Variants in LPAR3 observed in about 807,000 individuals in gnomAD.
LPAR3 encodes lysophosphatidic acid receptor 3.
Under a neutral mutation model 17.8 loss-of-function variants are expected in LPAR3, and 7 were observed. The ratio of observed to expected loss-of-function variants is 0.39; its 90% CI spans 0.22 to 0.74. LPAR3 has a LOEUF of 0.74. LPAR3 is among the 30% of genes least tolerant of loss of function. The pLI, the probability that LPAR3 is intolerant of heterozygous loss-of-function variation, is 0.40. For synonymous variants in LPAR3, 179 were observed against 179.9 expected, an observed-to-expected ratio of 0.99 and a Z score of 0.04; for missense variants, 391 against 453.4, an observed-to-expected ratio of 0.86 and a Z score of 1.25.
At chr1:84,825,100 A>C (rs1303708609) in intron 2 of LPAR3, among the ~76,000 whole-genome samples, 1 of 152,184 alleles carries the variant, frequency 6.6e-6, no homozygotes, top group Non-Finnish European at 1.5e-5. Flanking sequence ...ATGCCCTGTA[A>C]GGGTCCTGTC....
In LPAR3 at chr1:84,865,690, C is replaced by T. The variant is rs1660030885; in HGVS notation, c.431G>A (p.Arg144Lys). The change falls in exon 2 of 3, where the codon AGG becomes AAG. Residue 144 changes from arginine to lysine, a missense_variant. Coordinates refer to ENST00000370611, the MANE Select transcript of LPAR3 (RefSeq NM_012152.3). ...GACAAGCAAAATGAGCAGTGTCACC[C>T]TCTTTTTGGTCAGGTTGCTATGGAC... ...MRVHSNLTKK[R>K]VTLLILLVWA... 2 of 1,614,096 alleles carry T rather than the reference C, an allele frequency of 1.2e-6. No individual in the cohort carries two copies. Among genetic ancestry groups the T allele is most frequent in the African/African-American group, 2.7e-5 (2 of 74,918 alleles).
chr1:84,815,695 A>T (rs1658919214), intron 2 of LPAR3, among the ~76,000 whole-genome samples: 1 of 152,164 alleles, frequency 6.6e-6, no homozygotes, highest in African/African-American at 2.4e-5. Flanking sequence ...TTATACAATA[A>T]AGTTAATAAA....
At chr1:84,839,259 T>A (rs1402128067) in intron 2 of LPAR3, among the ~76,000 whole-genome samples, 2 of 152,228 alleles carry the variant, frequency 1.3e-5, no homozygotes, top group Non-Finnish European at 2.9e-5. Flanking sequence ...GTTAGAATTA[T>A]GTGTTTTCAT....
chr1:84,820,774 T>TG (rs1176325788), intron 2 of LPAR3, among the ~76,000 whole-genome samples: 1 of 152,148 alleles, frequency 6.6e-6, no homozygotes, highest in Non-Finnish European at 1.5e-5. Flanking sequence ...TAGAATGGTG[T>TG]GAGTTATGTA....
chr1:84,874,966 C>A lies in LPAR3; in HGVS notation c.-18-8828G>T, dbSNP rs147195731. 3.4e-4 allele frequency among the ~76,000 whole-genome samples: 50 copies of A among 148,424 alleles called. No homozygotes were observed. In the East Asian group the frequency reaches 4.2e-3, roughly 12 times the overall value. On this transcript the variant is annotated intron_variant, in intron 1 of 2. Transcript: ENST00000370611. Reference sequence around the variant, plus strand: ...CCAGGCTGGAGTGCAGTGGTACGATCTTGGCTCACTGCAACCTCCACCTTC... The same window carrying A: ...CCAGGCTGGAGTGCAGTGGTACGATATTGGCTCACTGCAACCTCCACCTTC...
intron 1 of LPAR3, among the ~76,000 whole-genome samples, chr1:84,879,453 A>G (rs1660322577): frequency 6.6e-6 from 1 of 151,652 alleles, no homozygotes; most frequent in Non-Finnish European, 1.5e-5. Context: ...CTGGGACTAC[A>G]GGTGCCCACC....
At chr1:84,866,168 A>C in intron 1 of LPAR3, 30 bp from the exon 2 acceptor site, 1 of 1,474,914 alleles carries the variant, frequency 6.8e-7, no homozygotes, top group Non-Finnish European at 9.2e-7. Flanking sequence ...AGAAACAAAT[A>C]TCATTTGTAA....
chr1:84,866,280 C>A, intron 1 of LPAR3, 142 bp from the exon 2 acceptor site: 1 of 647,436 alleles, frequency 1.5e-6, no homozygotes, highest in East Asian at 2.7e-5. Context: ...TGCAAATGTC[C>A]TTTGGTCCAG....
At chr1:84,841,426 G>A (rs1462982124) in intron 2 of LPAR3, among the ~76,000 whole-genome samples, 1 of 152,136 alleles carries the variant, frequency 6.6e-6, no homozygotes, top group Non-Finnish European at 1.5e-5. Context: ...TGGAGGAAAA[G>A]AAAAGTGAAT....
intron 1 of LPAR3, among the ~76,000 whole-genome samples, chr1:84,892,423 G>C (rs1660570336): frequency 6.6e-6 from 1 of 152,066 alleles, no homozygotes; most frequent in Admixed American, 6.5e-5. Flanking sequence ...AAGTAACTCT[G>C]CTACAGAACA....
At chr1:84,851,545 T>C (rs1183186389) in intron 2 of LPAR3, among the ~76,000 whole-genome samples, 1 of 152,254 alleles carries the variant, frequency 6.6e-6, no homozygotes, top group African/African-American at 2.4e-5. Flanking sequence ...TTTTATGAGT[T>C]AATTCTTTTA....
chr1:84,834,483 A>G (rs1397196704), intron 2 of LPAR3, among the ~76,000 whole-genome samples: 2 of 152,178 alleles, frequency 1.3e-5, no homozygotes, highest in Non-Finnish European at 2.9e-5. Flanking sequence ...TACTGTTCCT[A>G]TGGGTCCATT....
At chr1:84,874,047 C>CT (rs1660208224) in intron 1 of LPAR3, among the ~76,000 whole-genome samples, 1 of 152,106 alleles carries the variant, frequency 6.6e-6, no homozygotes, top group South Asian at 2.1e-4. Flanking sequence ...GCCATGGTGC[C>CT]CAGCCTCTTT....
chr1:84,884,673 A>G (rs753024424), intron 1 of LPAR3, among the ~76,000 whole-genome samples: 1 of 152,236 alleles, frequency 6.6e-6, no homozygotes, highest in Non-Finnish European at 1.5e-5. Context: ...TACTTTCCCC[A>G]TCAACAAAAC....
chr1:84,869,560 A>G (rs1660119535), intron 1 of LPAR3, among the ~76,000 whole-genome samples: 1 of 152,236 alleles, frequency 6.6e-6, no homozygotes, highest in Admixed American at 6.5e-5. Flanking sequence ...TACAATACAC[A>G]TAACAAAAAT....
intron 2 of LPAR3, 66 bp from the exon 3 acceptor site, chr1:84,814,237 C>T: frequency 1.4e-6 from 2 of 1,383,358 alleles, no homozygotes; most frequent in South Asian, 2.5e-5. Flanking sequence ...GTTTTCTTCT[C>T]TCCCAGCCTT....
rs116521853 is a variant in LPAR3, at chr1:84,820,102, T to A, written c.737-5931A>T. On this transcript the variant is annotated intron_variant, in intron 2 of 2. Coordinates refer to ENST00000370611, the MANE Select transcript of LPAR3 (RefSeq NM_012152.3). ...AGACTAACATACAATAAATTTGAAG[T>A]TTAGAGTAGCTCAACAGTTTGTCCT... 6.0e-3 allele frequency among the ~76,000 whole-genome samples: 921 copies of A among 152,254 alleles called. 9 individuals carry two copies. Among genetic ancestry groups the A allele is most frequent in the African/African-American group, 0.021 (888 of 41,530 alleles).
chr1:84,825,145 T>C (rs986180612), intron 2 of LPAR3, among the ~76,000 whole-genome samples: 4 of 152,202 alleles, frequency 2.6e-5, no homozygotes, highest in African/African-American at 4.8e-5. Flanking sequence ...GGTTCTCTCA[T>C]AGCTTCCTTT....
intron 2 of LPAR3, among the ~76,000 whole-genome samples, chr1:84,853,639 C>T (rs960154338): frequency 2.6e-5 from 4 of 152,164 alleles, no homozygotes; most frequent in Non-Finnish European, 5.9e-5. Context: ...GACAAATGTG[C>T]CTTCCTACAA....
Sources: allele counts gnomAD v4.1 joint callset (sites outside exome capture counted in the v4.1 genomes callset), GRCh38; gene constraint gnomAD v4.1.1; transcripts MANE v1.5; gene names NCBI Gene and HGNC (gene_info 2026-07-23, HGNC 2026-07-21).